Variants in ZNF586 observed in about 807,000 individuals in gnomAD.
The protein encoded by ZNF586 is zinc finger protein 586.
ZNF586 carries 7 observed loss-of-function variants against 6.7 expected under a neutral mutation model. That is an observed-to-expected ratio of 1.04 (90% CI 0.59 to 1.95). The LOEUF (loss-of-function observed/expected upper bound fraction) is 1.95, where lower values mean the gene tolerates loss of function less well. Ranked by LOEUF, ZNF586 falls within the 30% of genes most tolerant of loss-of-function variation. The probability of loss-of-function intolerance (pLI) is 0.00; values close to 1 mark genes in which losing one functional copy is unlikely to be tolerated. For missense variants in ZNF586, 442 were observed against 489.6 expected (o/e 0.90, Z 0.92); for synonymous variants, 166 against 168.7 (o/e 0.98, Z 0.12).
intron 1 of ZNF586, among the ~76,000 whole-genome samples, chr19:57,770,448 C>G (rs190057591): frequency 6.6e-6 from 1 of 152,122 alleles, no homozygotes; most frequent in Non-Finnish European, 1.5e-5. Flanking sequence ...TTCTTCAGTA[C>G]CAGGCTGAGG....
chr19:57,778,707 C>G (rs1168974353), intron 2 of ZNF586, 44 bp from the exon 3 acceptor site: 1 of 1,540,926 alleles, frequency 6.5e-7, no homozygotes. Flanking sequence ...GCTGCATACT[C>G]AACAAAGTCA....
intron 2 of ZNF586, among the ~76,000 whole-genome samples, chr19:57,778,531 CT>C (rs1173471396): frequency 6.6e-6 from 1 of 152,106 alleles, no homozygotes; most frequent in Non-Finnish European, 1.5e-5. Context: ...TAGACCCTGC[CT>C]TTATTCTGTC....
intron 1 of ZNF586, 25 bp downstream of exon 1, chr19:57,769,903 T>TTTGCC: frequency 1.4e-6 from 2 of 1,475,874 alleles, no homozygotes; most frequent in Non-Finnish European, 1.8e-6. Context: ...CTCCGGGCCT[T>TTTGCC]ACCCACCCTA....
At chr19:57,775,894 G>A (rs1486439597) in intron 1 of ZNF586, among the ~76,000 whole-genome samples, 3 of 152,116 alleles carry the variant, frequency 2.0e-5, no homozygotes, top group East Asian at 1.9e-4. Flanking sequence ...GCGCCACCGC[G>A]CCCGGCCACT....
chr19:57,779,866 A>T lies in ZNF586; in HGVS notation c.*70A>T. ...AGGCCAGAGAGTTCACACCAGATCAAGGTGTTATGAGTGTGACAAATGGGG... is the reference window on the plus strand; with the variant it reads ...AGGCCAGAGAGTTCACACCAGATCATGGTGTTATGAGTGTGACAAATGGGG... On this transcript the variant is annotated 3_prime_UTR_variant, in exon 3 of 3. Transcript: ENST00000396154. The T allele has an allele frequency of 1.6e-6, 2 of 1,268,686 alleles. No individual in the cohort carries two copies. The highest frequency in any genetic ancestry group is 1.4e-5 in the South Asian group (1 of 69,142). The allele number at this position is 1,268,686 out of a possible 1,614,324, so 78.6% of individuals were successfully genotyped here. A position where few individuals can be genotyped will look rare whatever the true frequency, so the allele number is the denominator to read the frequency against.
chr19:57,777,945 G>A (rs965526232), intron 2 of ZNF586, among the ~76,000 whole-genome samples: 14 of 151,422 alleles, frequency 9.2e-5, no homozygotes, highest in Admixed American at 6.6e-4. Flanking sequence ...TTTTAGTAAA[G>A]ATAGGGTTTT....
In ZNF586 at chr19:57,769,869, G is replaced by C. The variant is rs781215956; in HGVS notation, c.27G>C (p.Ala9=). 1.9e-6 allele frequency: 3 copies of C among 1,543,266 alleles called. No individual in the cohort carries two copies. Among genetic ancestry groups the C allele is most frequent in the Admixed American group, 2.0e-5 (1 of 50,664 alleles). The change falls in exon 1 of 3, where the codon GCG becomes GCC. Residue 9 remains alanine, a synonymous_variant. Transcript: ENST00000396154. MAAAAALR[A]PAQSSVTFED... ...TGGCGGCAGCAGCCGCTCTGAGGGC[G>C]CCTGCTCAGGTGAGCGCTGCGACCT...
In ZNF586 at chr19:57,779,440, A is replaced by T. The variant is rs201433049; in HGVS notation, c.853A>T (p.Thr285Ser). 3.0e-4 allele frequency: 489 copies of T among 1,613,996 alleles called. 3 individuals carry two copies. Among genetic ancestry groups the T allele is most frequent in the Non-Finnish European group, 5.3e-5 (63 of 1,180,030 alleles). The change falls in exon 3 of 3, where the codon ACT (threonine) becomes TCT (serine). Residue 285 changes from threonine (T) to serine (S), a missense_variant. By Grantham distance (58) the Thr-to-Ser change is moderately conservative. Coordinates refer to ENST00000396154, the MANE Select transcript of ZNF586 (RefSeq NM_017652.4). ...SSLLQHQRVH[T>S]RERPYECSEC... ...ACTCTTGCAGCATCAGAGAGTTCAC[A>T]CTAGAGAAAGGCCTTATGAATGTAG...
intron 2 of ZNF586, among the ~76,000 whole-genome samples, chr19:57,778,073 C>CTTTTTTTTTTTT (rs35697388): frequency 7.6e-6 from 1 of 131,502 alleles, no homozygotes. Flanking sequence ...AGTATATAAT[C>CTTTTTTTTTTTT]TTTTTTTTTT....
intron 1 of ZNF586, among the ~76,000 whole-genome samples, chr19:57,776,169 T>A (rs1174707828): frequency 1.3e-5 from 2 of 152,190 alleles, no homozygotes; most frequent in Non-Finnish European, 2.9e-5. Flanking sequence ...GCAATTGGCA[T>A]GTGTCTGTGG....
At chr19:57,778,665 T>C in intron 2 of ZNF586, 86 bp from the exon 3 acceptor site, 1 of 1,300,822 alleles carries the variant, frequency 7.7e-7, no homozygotes, top group Non-Finnish European at 1.1e-6. Flanking sequence ...CATAGACTAG[T>C]TTTTTGGTTT....
intron 1 of ZNF586, 25 bp downstream of exon 1, chr19:57,769,903 T>TTGGCCCCCCCC: frequency 6.1e-6 from 9 of 1,475,806 alleles, no homozygotes; most frequent in South Asian, 1.2e-5. Context: ...CTCCGGGCCT[T>TTGGCCCCCCCC]ACCCACCCTA....
chr19:57,779,382 T>G lies in ZNF586; in HGVS notation c.795T>G (p.Val265=). The change falls in exon 3 of 3, where the codon GTT becomes GTG. Residue 265 remains valine, a synonymous_variant. Coordinates refer to ENST00000396154, the MANE Select transcript of ZNF586 (RefSeq NM_017652.4). The part of the protein sequence containing the change: ...VHTGERPYEC[V]ECGKSFRRSS... ...CAGGAGAAAGGCCTTATGAATGCGT[T>G]GAGTGTGGAAAATCATTTCGCCGAA... is the stretch of plus-strand genomic sequence containing the variant. The G allele has an allele frequency of 6.2e-7, 1 of 1,612,846 alleles. No individual in the cohort carries two copies. The highest frequency in any genetic ancestry group is 8.5e-7 in the Non-Finnish European group (1 of 1,179,818).
At chr19:57,774,244 C>G (rs568387516) in intron 1 of ZNF586, among the ~76,000 whole-genome samples, 2 of 141,020 alleles carry the variant, frequency 1.4e-5, no homozygotes, top group African/African-American at 5.3e-5. Flanking sequence ...AAAAGTCAGC[C>G]GGGCGCGGTG....
chr19:57,776,508 G>T (rs1987238485), intron 1 of ZNF586, 35 bp from the exon 2 acceptor site: 1 of 1,596,978 alleles, frequency 6.3e-7, no homozygotes, highest in Non-Finnish European at 8.5e-7. Flanking sequence ...CAGCATAGGG[G>T]CCATTTGTGG....
chr19:57,770,715 C>G (rs1987074948), intron 1 of ZNF586, among the ~76,000 whole-genome samples: 1 of 152,210 alleles, frequency 6.6e-6, no homozygotes, highest in Non-Finnish European at 1.5e-5. Flanking sequence ...CAAATCCGAG[C>G]ACAGACACAT....
intron 2 of ZNF586, 31 bp downstream of exon 2, chr19:57,776,700 GT>G: frequency 6.4e-7 from 1 of 1,568,026 alleles, no homozygotes; most frequent in Non-Finnish European, 8.6e-7. Context: ...TGTGACCTGA[GT>G]TAGTCTGTGC....
intron 1 of ZNF586, among the ~76,000 whole-genome samples, chr19:57,772,155 G>A (rs1009895706): frequency 6.6e-6 from 1 of 152,168 alleles, no homozygotes; most frequent in Non-Finnish European, 1.5e-5. Context: ...AACAGTGAGA[G>A]CTTGAGAGGA....
At chr19:57,777,767 T>G (rs912763924) in intron 2 of ZNF586, among the ~76,000 whole-genome samples, 2 of 144,316 alleles carry the variant, frequency 1.4e-5, no homozygotes, top group Admixed American at 7.0e-5. Context: ...TTTTTTTTTT[T>G]TTTTTGAGAT....
Sources: gnomAD v4.1 joint callset for allele counts (sites outside exome capture counted in the v4.1 genomes callset) on GRCh38, gnomAD v4.1.1 for gene constraint, MANE v1.5 for transcripts, NCBI Gene and HGNC (gene_info 2026-07-23, HGNC 2026-07-21) for gene names.